Variants in CD300LF observed in about 807,000 individuals in gnomAD.
The protein encoded by CD300LF is CD300 molecule like family member f.
CD300LF carries 27 observed loss-of-function variants against 32.2 expected under a neutral mutation model. The ratio of observed to expected loss-of-function variants is 0.84; its 90% CI spans 0.62 to 1.15. The LOEUF is 1.15. CD300LF is among the 50% of genes most tolerant of loss of function. The pLI is 0.00. For synonymous variants in CD300LF, 139 were observed against 143.2 expected, an observed-to-expected ratio of 0.97 and a Z score of 0.21; for missense variants, 348 against 356.8, an observed-to-expected ratio of 0.98 and a Z score of 0.20.
intron 4 of CD300LF, among the ~76,000 whole-genome samples, chr17:74,697,945 T>C (rs1411295920): frequency 6.6e-6 from 1 of 152,168 alleles, no homozygotes; most frequent in Non-Finnish European, 1.5e-5. Context: ...TGTGTGTGCA[T>C]CCACTGGTGT....
intron 3 of CD300LF, among the ~76,000 whole-genome samples, chr17:74,699,744 C>T (rs1038644013): frequency 1.2e-4 from 18 of 152,136 alleles, no homozygotes; most frequent in African/African-American, 4.3e-4. Context: ...CCACTCGTAA[C>T]GGCGGCCACA....
chr17:74,708,991 G>A (rs1397269761), intron 1 of CD300LF, among the ~76,000 whole-genome samples: 1 of 150,542 alleles, frequency 6.6e-6, no homozygotes, highest in Non-Finnish European at 1.5e-5. Context: ...TTGGGAGTCC[G>A]AGTCAGGCAG....
In CD300LF at chr17:74,696,183, G is replaced by A. The variant is rs767702860; in HGVS notation, c.582+12C>T. ...CCTGGTCTCTCTGGTCCGACCTTGGGGGCTATCTTACCTGCTCTGGGGACA... is the reference window on the plus strand; with the variant it reads ...CCTGGTCTCTCTGGTCCGACCTTGGAGGCTATCTTACCTGCTCTGGGGACA... On this transcript the variant is annotated intron_variant, in intron 5 of 6. Coordinates refer to ENST00000326165, the MANE Select transcript of CD300LF (RefSeq NM_139018.5). 6.2e-7 allele frequency: 1 copy of A among 1,602,220 alleles called. No individual in the cohort carries two copies. The highest frequency in any genetic ancestry group is 8.5e-7 in the Non-Finnish European group (1 of 1,176,072).
At chr17:74,702,031 A>T (rs913071750) in intron 3 of CD300LF, among the ~76,000 whole-genome samples, 2 of 152,008 alleles carry the variant, frequency 1.3e-5, no homozygotes, top group African/African-American at 2.4e-5. Context: ...AATAAAAAAA[A>T]AGAAAACTTT....
Position 74,695,878 on chromosome 17 carries a change from G to A in CD300LF, c.583-19C>T, listed in dbSNP as rs1299909203. ...GCAGTACCTGGGACAGGGAACACAG[G>A]CTGGGGAGTCACAAGATCTGTCTGT... On this transcript the variant is annotated intron_variant, in intron 5 of 6. Transcript: ENST00000326165. 2 of 1,608,680 alleles carry A rather than the reference G, an allele frequency of 1.2e-6. No individual in the cohort carries two copies. The highest frequency in any genetic ancestry group is 1.3e-5 in the African/African-American group (1 of 74,844).
At position 74,694,526 on chromosome 17, in the gene CD300LF, C is replaced by G. The variant is rs1467087732; in HGVS notation, c.*570G>C. On this transcript the variant is annotated 3_prime_UTR_variant, in exon 7 of 7. Transcript: ENST00000326165. ...TCACACCCACGTCCACTTCCATCAT[C>G]ACTTTGTCTCTACCTCTTTGACCTT... is the stretch of plus-strand genomic sequence containing the variant. 1 of 152,228 alleles carries G rather than the reference C, an allele frequency of 6.6e-6. No homozygotes were observed. Among genetic ancestry groups the G allele is most frequent in the Non-Finnish European group, 1.5e-5 (1 of 68,066 alleles). The allele number at this position is 152,228 out of a possible 1,614,324, so 9.4% of individuals were successfully genotyped here.
intron 1 of CD300LF, among the ~76,000 whole-genome samples, chr17:74,712,376 C>G (rs1447952175): frequency 6.6e-6 from 1 of 152,114 alleles, no homozygotes; most frequent in Non-Finnish European, 1.5e-5. Context: ...TGCCTAGAAC[C>G]ACCACTCCCT....
intron 3 of CD300LF, 139 bp downstream of exon 3, chr17:74,702,896 A>T: frequency 1.5e-6 from 1 of 672,740 alleles, no homozygotes; most frequent in Non-Finnish European, 2.6e-6. Context: ...GCAAGTGGGA[A>T]GGGCTCCCAG....
chr17:74,706,428 C>CAT (rs1035920274), intron 1 of CD300LF, among the ~76,000 whole-genome samples: 8 of 147,662 alleles, frequency 5.4e-5, no homozygotes, highest in Admixed American at 1.4e-4. Flanking sequence ...ATAAAAAGAA[C>CAT]ATATATATAT....
At position 74,704,635 on chromosome 17, in the gene CD300LF, C is replaced by T. The variant is rs1456831866; in HGVS notation, c.225G>A (p.Val75=). The T allele has an allele frequency of 1.9e-6, 3 of 1,614,080 alleles. No individual in the cohort carries two copies. In the African/African-American group the frequency reaches 4.0e-5, roughly 22 times the overall value. Residue 75 remains valine, a synonymous_variant, in exon 2 of 7, where the codon GTG becomes GTA. Coordinates refer to ENST00000326165, the MANE Select transcript of CD300LF (RefSeq NM_139018.5). ...CCTTGATGGACACCCGGTCCCTCTT[C>T]ACCTCCTGCTCTGACCCACTGGTTT... ...LVKTSGSEQE[V]KRDRVSIKDN... is the part of the protein sequence containing the mutation.
intron 1 of CD300LF, among the ~76,000 whole-genome samples, chr17:74,712,256 C>G (rs1023843000): frequency 1.3e-5 from 2 of 152,224 alleles, no homozygotes; most frequent in Non-Finnish European, 2.9e-5. Context: ...CTCCTGCCCT[C>G]TGGCTCTGCC....
intron 4 of CD300LF, among the ~76,000 whole-genome samples, chr17:74,696,510 C>T (rs2032492489): frequency 1.3e-5 from 2 of 152,170 alleles, no homozygotes; most frequent in African/African-American, 4.8e-5. Context: ...GCCATCGGCT[C>T]CCCTGGGAGT....
intron 1 of CD300LF, among the ~76,000 whole-genome samples, chr17:74,711,546 C>A (rs145761006): frequency 6.6e-6 from 1 of 152,362 alleles, no homozygotes; most frequent in Non-Finnish European, 1.5e-5. Flanking sequence ...AAGACCTTTT[C>A]TCCAATCTGT....
At position 74,707,576 on chromosome 17, in the gene CD300LF, G is replaced by A. The variant is rs545803794; in HGVS notation, c.44-2760C>T. Among the ~76,000 whole-genome samples the A allele has an allele frequency of 2.6e-4, 39 of 152,166 alleles. No homozygotes were observed. The East Asian group carries it at 7.2e-3, about 28-fold the overall frequency. On this transcript the variant is annotated intron_variant, in intron 1 of 6. Transcript: ENST00000326165. ...CTAAAAATACAAAAATTAACCAGGT[G>A]TGGTGGAGTGCACCTGTAATCCCAG...
intron 1 of CD300LF, among the ~76,000 whole-genome samples, chr17:74,708,733 G>A (rs1300933558): frequency 1.3e-5 from 2 of 152,086 alleles, no homozygotes; most frequent in African/African-American, 4.8e-5. Flanking sequence ...TGGCTAACAC[G>A]GTGAAACCCT....
rs201341744 is a variant in CD300LF at position 74,695,859 on chromosome 17, C to A, written c.583G>T (p.Val195Leu). 5.8e-5 allele frequency: 93 copies of A among 1,612,876 alleles called. No homozygotes were observed. The highest frequency in any genetic ancestry group is 7.6e-5 in the Non-Finnish European group (90 of 1,179,400). ...AGGTCGCCCTCCAGGGGCTGCAGTA[C>A]CTGGGACAGGGAACACAGGCTGGGG... ...QKAAGMSPEQ[V>L]LQPLEGDLCY... The change falls in exon 6 of 7, where the codon GTA becomes TTA. Residue 195 changes from valine to leucine, a missense_variant and splice_region_variant. By Grantham distance (32) the Val-to-Leu change is conservative. Coordinates refer to ENST00000326165, the MANE Select transcript of CD300LF (RefSeq NM_139018.5).
At chr17:74,711,784 C>T (rs1366108900) in intron 1 of CD300LF, among the ~76,000 whole-genome samples, 1 of 152,130 alleles carries the variant, frequency 6.6e-6, no homozygotes, top group Non-Finnish European at 1.5e-5. Context: ...CTTACAGCAT[C>T]CCCCTACCTG....
intron 3 of CD300LF, among the ~76,000 whole-genome samples, chr17:74,702,446 A>G (rs1443699312): frequency 6.6e-6 from 1 of 152,224 alleles, no homozygotes; most frequent in Non-Finnish European, 1.5e-5. Context: ...GTTGTAGGAA[A>G]GGTCAAAGAA....
At chr17:74,700,539 G>A (rs747217758) in intron 3 of CD300LF, among the ~76,000 whole-genome samples, 37 of 151,968 alleles carry the variant, frequency 2.4e-4, no homozygotes, top group Non-Finnish European at 4.7e-4. Flanking sequence ...TCGGGAGTTC[G>A]AGACCAGCCT....
Sources: gnomAD v4.1 joint callset for allele counts (sites outside exome capture counted in the v4.1 genomes callset) on GRCh38, gnomAD v4.1.1 for gene constraint, MANE v1.5 for transcripts, NCBI Gene and HGNC (gene_info 2026-07-23, HGNC 2026-07-21) for gene names.